Variants in PKN2 observed in about 807,000 individuals in gnomAD.
PKN2 encodes serine/threonine-protein kinase N2.
Under a neutral mutation model 119.1 loss-of-function variants are expected in PKN2, and 38 were observed. That is an observed-to-expected ratio of 0.32 (90% confidence interval 0.25 to 0.42). The LOEUF is 0.42. Ranked by LOEUF, PKN2 falls within the 10% of genes least tolerant of loss-of-function variation. The pLI is 1.00. For synonymous variants in PKN2, 390 were observed against 384.9 expected (o/e 1.01, Z -0.15); for missense variants, 850 against 1,165.1 (o/e 0.73, Z 3.94).
At chr1:88,685,747 G>T (rs934753440) in intron 1 of PKN2, among the ~76,000 whole-genome samples, 7 of 152,196 alleles carry the variant, frequency 4.6e-5, no homozygotes, top group African/African-American at 1.7e-4. Context: ...CTTTTTGTGT[G>T]TTGGACAGTT....
chr1:88,800,986 T>C lies in PKN2; in HGVS notation c.1282-3405T>C, dbSNP rs559932609. ...TTTACTCCGTCTAGAATATCGTTGCTCCTAGAGTTTGAAATTATCTAACAG... is the reference window on the plus strand; with the variant it reads ...TTTACTCCGTCTAGAATATCGTTGCCCCTAGAGTTTGAAATTATCTAACAG... On this transcript the variant is annotated intron_variant, in intron 8 of 21. Coordinates refer to ENST00000370521, the MANE Select transcript of PKN2 (RefSeq NM_006256.4). 4.6e-5 allele frequency among the ~76,000 whole-genome samples: 7 copies of C among 152,328 alleles called. No homozygotes were observed. In the East Asian group the frequency reaches 1.2e-3, roughly 25 times the overall value.
intron 1 of PKN2, among the ~76,000 whole-genome samples, chr1:88,705,414 G>T (rs1000495026): frequency 2.0e-5 from 3 of 151,904 alleles, no homozygotes; most frequent in African/African-American, 7.3e-5. Context: ...TATATTCTTG[G>T]CTGGGCACGG....
At chr1:88,707,292 A>T (rs971118702) in intron 1 of PKN2, among the ~76,000 whole-genome samples, 9 of 152,110 alleles carry the variant, frequency 5.9e-5, no homozygotes, top group African/African-American at 2.2e-4. Flanking sequence ...TACAGAGGAA[A>T]ATGTGGCAGA....
chr1:88,773,397 A>G (rs1669970063), intron 6 of PKN2, among the ~76,000 whole-genome samples: 1 of 152,174 alleles, frequency 6.6e-6, no homozygotes, highest in Non-Finnish European at 1.5e-5. Context: ...GGGTTTCACC[A>G]TGATGGCCAT....
At position 88,836,242 on chromosome 1, in the gene PKN2, A is replaced by G. The variant is rs1672940220; in HGVS notation, c.*2794A>G. 6.6e-6 allele frequency: 1 copy of G among 152,182 alleles called. No individual in the cohort carries two copies. Among genetic ancestry groups the G allele is most frequent in the African/African-American group, 2.4e-5 (1 of 41,450 alleles). The allele number at this position is 152,182 out of a possible 1,614,324, so 9.4% of individuals were successfully genotyped here. A position where few individuals can be genotyped will look rare whatever the true frequency, so the allele number is the denominator to read the frequency against. Reference sequence around the variant, plus strand: ...CTTCTCAAAAAGGCAAATGAATAAAACAGAATACTAGTATTTTATAGTAAT... The same window carrying G: ...CTTCTCAAAAAGGCAAATGAATAAAGCAGAATACTAGTATTTTATAGTAAT... On this transcript the variant is annotated 3_prime_UTR_variant, in exon 22 of 22. Coordinates refer to ENST00000370521, the MANE Select transcript of PKN2 (RefSeq NM_006256.4).
chr1:88,808,388 C>G (rs1269818341), intron 15 of PKN2, among the ~76,000 whole-genome samples: 1 of 152,010 alleles, frequency 6.6e-6, no homozygotes, highest in Non-Finnish European at 1.5e-5. Context: ...TCACTGCAAC[C>G]TCCACCTCCT....
intron 8 of PKN2, among the ~76,000 whole-genome samples, chr1:88,799,010 A>G (rs957142737): frequency 2.6e-5 from 4 of 151,756 alleles, no homozygotes; most frequent in African/African-American, 9.8e-5. Flanking sequence ...TTTGAGTTGG[A>G]GAATAAGATA....
intron 1 of PKN2, 51 bp downstream of exon 1, chr1:88,684,679 A>G: frequency 7.0e-7 from 1 of 1,435,520 alleles, no homozygotes; most frequent in South Asian, 1.4e-5. Flanking sequence ...ACAGGGAGAG[A>G]GCCCCGCGCG....
intron 1 of PKN2, among the ~76,000 whole-genome samples, chr1:88,726,279 GT>G (rs1361070021): frequency 6.6e-6 from 1 of 152,118 alleles, no homozygotes; most frequent in Non-Finnish European, 1.5e-5. Context: ...AAAGCATTTA[GT>G]TTTTCACCGT....
At chr1:88,706,287 A>G (rs1667001347) in intron 1 of PKN2, among the ~76,000 whole-genome samples, 1 of 152,112 alleles carries the variant, frequency 6.6e-6, no homozygotes, top group Non-Finnish European at 1.5e-5. Context: ...TTTTCTGATC[A>G]TTCCTAGTAT....
chr1:88,803,272 T>G (rs1671402228), intron 8 of PKN2, among the ~76,000 whole-genome samples: 1 of 152,196 alleles, frequency 6.6e-6, no homozygotes, highest in South Asian at 2.1e-4. Context: ...GCATTTTTTA[T>G]AAGTGTTTTT....
intron 8 of PKN2, among the ~76,000 whole-genome samples, chr1:88,790,470 C>G (rs1244755093): frequency 6.6e-6 from 1 of 152,126 alleles, no homozygotes; most frequent in South Asian, 2.1e-4. Context: ...TTGGAAATTA[C>G]TTTCATTAAT....
At chr1:88,808,711 A>G (rs1311989503) in intron 15 of PKN2, among the ~76,000 whole-genome samples, 2 of 152,216 alleles carry the variant, frequency 1.3e-5, no homozygotes, top group African/African-American at 2.4e-5. Context: ...AAATATGGAC[A>G]TTATTGTATA....
chr1:88,748,043 C>T (rs1668836941), intron 2 of PKN2, among the ~76,000 whole-genome samples: 1 of 152,108 alleles, frequency 6.6e-6, no homozygotes, highest in South Asian at 2.1e-4. Context: ...TCTTTAAAAT[C>T]ATGAGATTAA....
chr1:88,771,743 C>G lies in PKN2; in HGVS notation c.849C>G (p.Pro283=). Residue 283 remains proline, a synonymous_variant, in exon 6 of 22, where the codon CCC becomes CCG. Transcript: ENST00000370521. ...TAGAGCAAAGATTAAACGAAGTCCC[C>G]AAGAATCATCCCAAAAGCAGGATTA... ...YSLEQRLNEV[P]KNHPKSRIII... 1.2e-6 allele frequency: 2 copies of G among 1,613,840 alleles called. No individual in the cohort carries two copies. The highest frequency in any genetic ancestry group is 1.7e-6 in the Non-Finnish European group (2 of 1,179,830).
intron 8 of PKN2, among the ~76,000 whole-genome samples, chr1:88,798,198 T>C (rs1270724188): frequency 6.6e-6 from 1 of 151,626 alleles, no homozygotes; most frequent in Non-Finnish European, 1.5e-5. Context: ...AATTTTAAAA[T>C]ACATGAGGAT....
At chr1:88,694,292 C>T (rs1666444655) in intron 1 of PKN2, among the ~76,000 whole-genome samples, 1 of 152,196 alleles carries the variant, frequency 6.6e-6, no homozygotes, top group Non-Finnish European at 1.5e-5. Context: ...CCCTCTCCTC[C>T]ATCCCCTGGC....
intron 8 of PKN2, among the ~76,000 whole-genome samples, chr1:88,790,820 T>A (rs900293012): frequency 2.0e-5 from 3 of 152,144 alleles, no homozygotes; most frequent in Non-Finnish European, 2.9e-5. Flanking sequence ...ATCCTGTGAT[T>A]TTCTTTTGTC....
rs1667336125 is a variant in PKN2 at position 88,713,782 on chromosome 1, A to G, written c.49-27206A>G. Among the ~76,000 whole-genome samples, 3 of 152,150 alleles carry G rather than the reference A, an allele frequency of 2.0e-5. No homozygotes were observed. The South Asian group carries it at 6.2e-4, about 32-fold the overall frequency. ...TGCTATGCAGAAGCTCTTCAGTTTAATTAGATCCCATTTGTCTATTTTGGC... is the reference window on the plus strand; with the variant it reads ...TGCTATGCAGAAGCTCTTCAGTTTAGTTAGATCCCATTTGTCTATTTTGGC... On this transcript the variant is annotated intron_variant, in intron 1 of 21. Coordinates refer to ENST00000370521, the MANE Select transcript of PKN2 (RefSeq NM_006256.4).
Sources: gnomAD v4.1 joint callset for allele counts (sites outside exome capture counted in the v4.1 genomes callset) on GRCh38, gnomAD v4.1.1 for gene constraint, MANE v1.5 for transcripts, NCBI Gene and HGNC (gene_info 2026-07-23, HGNC 2026-07-21) for gene names.